The following PPP1R9B variants were observed in gnomAD, a reference collection of about 807,000 sequenced individuals.
PPP1R9B encodes the protein neurabin-2.
A neutral mutation model predicts 75.8 loss-of-function variants in PPP1R9B; 17 were observed. The observed-to-expected ratio is 0.22, with a 90% CI of 0.15 to 0.34. The LOEUF (loss-of-function observed/expected upper bound fraction) is 0.34, where lower values mean the gene tolerates loss of function less well. Among genes scored for constraint, PPP1R9B ranks in the 10% least tolerant of loss-of-function variants. The probability of loss-of-function intolerance (pLI) is 1.00; values close to 1 mark genes in which losing one functional copy is unlikely to be tolerated. For missense variants in PPP1R9B, 875 were observed against 1,196.0 expected (o/e 0.73, Z 3.96); for synonymous variants, 509 against 535.4 (o/e 0.95, Z 0.68).
At position 50,134,149 on chromosome 17, in the gene PPP1R9B, G is replaced by C. The variant is rs1008666890; in HGVS notation, c.*1182C>G. On this transcript the variant is annotated 3_prime_UTR_variant, in exon 10 of 10. Coordinates refer to ENST00000612501, the MANE Select transcript of PPP1R9B (RefSeq NM_032595.5). ...GGCAAAATGAGATGGATTTTGAAAG[G>C]GGAGGGGACCTGGGGGAGGTGGTCT... 6.6e-6 allele frequency: 1 copy of C among 152,668 alleles called. No individual in the cohort carries two copies. The highest frequency in any genetic ancestry group is 1.5e-5 in the Non-Finnish European group (1 of 68,040). 9.5% of individuals were successfully genotyped at this position (152,668 alleles called of 1,614,324 possible).
Position 50,143,180 on chromosome 17 carries a change from C to T in PPP1R9B, c.1625+418G>A, listed in dbSNP as rs537755525. 1.0e-3 allele frequency among the ~76,000 whole-genome samples: 159 copies of T among 152,322 alleles called. No individual in the cohort carries two copies. The South Asian group carries it at 0.011, about 10-fold the overall frequency. On this transcript the variant is annotated intron_variant, in intron 3 of 9. Transcript: ENST00000612501. ...CACCACACTGCACACTTCTCAAGTG[C>T]GCCAGGCCCTCACCATTGACTTCCC...
At position 50,136,097 on chromosome 17, in the gene PPP1R9B, C is replaced by A; in HGVS notation, c.2174G>T (p.Gly725Val). 1.2e-6 allele frequency: 2 copies of A among 1,611,750 alleles called. No homozygotes were observed. The highest frequency in any genetic ancestry group is 8.5e-7 in the Non-Finnish European group (1 of 1,179,850). The change falls in exon 8 of 10, where the codon GGC becomes GTC. Residue 725 changes from glycine (G) to valine (V), a missense_variant. Around this residue, in one of 4 missense-constraint regions of PPP1R9B, gnomAD observed 218 missense variants for 334.6 expected, o/e 0.65. Transcript: ENST00000612501. The stretch of plus-strand genomic sequence containing the variant: ...CAGGCTCTGGGCCTCACCCCAGTAG[C>A]CTTCCAGTTTCTCCATGCGCTCCTT... ...ENKERMEKLE[G>V]YWGEAQSLCQ...
Position 50,149,438 on chromosome 17 carries a change from ACCG to A in PPP1R9B, c.1073_1075del (p.Ala358del). The A allele has an allele frequency of 1.2e-6, 2 of 1,604,348 alleles. No individual in the cohort carries two copies. Among genetic ancestry groups the A allele is most frequent in the South Asian group, 2.2e-5 (2 of 90,374 alleles). On this transcript the variant is annotated inframe_deletion, in exon 1 of 10. Coordinates refer to ENST00000612501, the MANE Select transcript of PPP1R9B (RefSeq NM_032595.5). The surrounding 1 kb of genome is among the most constrained non-coding windows in gnomAD (Gnocchi z 7.2). ...GCCCACCCCCCTCTCTGGCGGCGCT[ACCG>A]CCGCCGCCTCCTTCTCCGGGGCCGC...
chr17:50,139,622 G>A lies in PPP1R9B; in HGVS notation c.1867-41C>T. The A allele has an allele frequency of 6.6e-7, 1 of 1,517,418 alleles. No individual in the cohort carries two copies. Among genetic ancestry groups the A allele is most frequent in the Non-Finnish European group, 8.8e-7 (1 of 1,133,434 alleles). 94.0% of individuals were successfully genotyped at this position (1,517,418 alleles called of 1,614,324 possible). Reference sequence around the variant, plus strand: ...GGAGACTGTGGGCCCACCCCACCCAGCTGCCCTCAGCCCTGATGACCAGGG... The same window carrying A: ...GGAGACTGTGGGCCCACCCCACCCAACTGCCCTCAGCCCTGATGACCAGGG... On this transcript the variant is annotated intron_variant, in intron 5 of 9. Transcript: ENST00000612501. This position sits in a 1 kb window ranked among gnomAD's most constrained non-coding sequence, Gnocchi z 5.0.
chr17:50,140,886 G>A (rs1912358682), intron 4 of PPP1R9B, among the ~76,000 whole-genome samples: 1 of 152,262 alleles, frequency 6.6e-6, no homozygotes, highest in Non-Finnish European at 1.5e-5. Context: ...ATGACATAGG[G>A]CTGGTCGGGG....
intron 5 of PPP1R9B, 22 bp downstream of exon 5, chr17:50,140,045 TAGCCACCAGGGGGCGACCACGCGGCC>T (rs1338164633): frequency 1.2e-6 from 2 of 1,600,746 alleles, no homozygotes; most frequent in South Asian, 2.2e-5. Flanking sequence ...ATGCTTCATC[TAGCCACCAGGGGGCGACCACGCGGCC>T]AGCCAGGCAG....
intron 2 of PPP1R9B, among the ~76,000 whole-genome samples, chr17:50,144,727 T>C (rs1015894077): frequency 1.3e-5 from 2 of 152,180 alleles, no homozygotes; most frequent in Non-Finnish European, 2.9e-5. Context: ...CCAGCCCCTA[T>C]TCCAGCGCCT....
chr17:50,146,477 G>A (rs1174101842), intron 1 of PPP1R9B, among the ~76,000 whole-genome samples: 2 of 152,170 alleles, frequency 1.3e-5, no homozygotes, highest in Admixed American at 1.3e-4. Context: ...AGCAGACCTT[G>A]TGGGCACCCT....
At chr17:50,143,335 G>T (rs141945053) in intron 3 of PPP1R9B, among the ~76,000 whole-genome samples, 1 of 152,108 alleles carries the variant, frequency 6.6e-6, no homozygotes, top group Non-Finnish European at 1.5e-5. Flanking sequence ...CACAACACAC[G>T]CCTATAGCCC....
At chr17:50,137,481 T>C (rs902812917) in intron 7 of PPP1R9B, 25 of 152,912 alleles carry the variant, frequency 1.6e-4, no homozygotes, top group Non-Finnish European at 3.2e-4. Context: ...ATACTCTGCA[T>C]ACACCTCAGG....
In PPP1R9B at chr17:50,140,204, C is replaced by T. The variant is rs202158365; in HGVS notation, c.1755G>A (p.Pro585=). 412 of 1,600,650 alleles carry T rather than the reference C, an allele frequency of 2.6e-4. 3 individuals are homozygous for T. Among genetic ancestry groups the T allele is most frequent in the Middle Eastern group, 1.6e-4 (1 of 6,066 alleles). ...GCTGGGCCACTTCGCTCTGCTCTCC[C>T]GGCCGCTCCCGGCCAATCATAAACC... The part of the protein sequence containing the change: ...RVRFMIGRER[P]GEQSEVAQLI... Residue 585 remains proline, a synonymous_variant, in exon 5 of 10, where the codon CCG becomes CCA. Transcript: ENST00000612501.
rs1912629720 is a variant in PPP1R9B, at chr17:50,149,679, G to A, written c.835C>T (p.Pro279Ser). The change falls in exon 1 of 10, where the codon CCG becomes TCG. Residue 279 changes from proline to serine, a missense_variant. Coordinates refer to ENST00000612501, the MANE Select transcript of PPP1R9B (RefSeq NM_032595.5). The surrounding 1 kb of genome is among the most constrained non-coding windows in gnomAD (Gnocchi z 7.2). Reference sequence around the variant, plus strand: ...CGGGCAGGGGCCACTCGGTGCTGCGGGGGCTGCTGCCCTGCGGGGCATCGC... The same window carrying A: ...CGGGCAGGGGCCACTCGGTGCTGCGAGGGCTGCTGCCCTGCGGGGCATCGC... ...KERCPAGQQPPQHRVAPARPP... is the reference protein window; with the variant it reads ...KERCPAGQQPSQHRVAPARPP... 6.8e-7 allele frequency: 1 copy of A among 1,474,832 alleles called. No homozygotes were observed. Among genetic ancestry groups the A allele is most frequent in the South Asian group, 1.3e-5 (1 of 74,590 alleles). The allele number at this position is 1,474,832 out of a possible 1,614,324, so 91.4% of individuals were successfully genotyped here.
chr17:50,136,428 G>C (rs929343868), intron 7 of PPP1R9B, among the ~76,000 whole-genome samples: 1 of 152,102 alleles, frequency 6.6e-6, no homozygotes, highest in South Asian at 2.1e-4. Flanking sequence ...CACCCCACTC[G>C]CAGGGAGGCT....
intron 2 of PPP1R9B, among the ~76,000 whole-genome samples, chr17:50,144,007 G>A (rs1912452546): frequency 6.6e-6 from 1 of 151,894 alleles, no homozygotes; most frequent in East Asian, 1.9e-4. Flanking sequence ...AGGGCGTGTG[G>A]CCAGGATGGG....
intron 7 of PPP1R9B, among the ~76,000 whole-genome samples, chr17:50,137,040 C>T (rs1912250218): frequency 6.6e-6 from 1 of 152,192 alleles, no homozygotes; most frequent in Admixed American, 6.5e-5. Flanking sequence ...CCCAGCCACA[C>T]AGGCCTTCCT....
chr17:50,143,800 C>A (rs899224266), intron 2 of PPP1R9B, 82 bp from the exon 3 acceptor site: 51 of 1,577,384 alleles, frequency 3.2e-5, no homozygotes, highest in Admixed American at 2.7e-4. Context: ...AGGGCACAGC[C>A]CCCCCATCAG....
intron 7 of PPP1R9B, among the ~76,000 whole-genome samples, chr17:50,136,497 C>A (rs1912234484): frequency 6.6e-6 from 1 of 152,172 alleles, no homozygotes; most frequent in Non-Finnish European, 1.5e-5. Flanking sequence ...ATGTCCCAAG[C>A]CTCAGTTATC....
chr17:50,142,439 T>C lies in PPP1R9B; in HGVS notation c.1626-1066A>G, dbSNP rs1386314854. Among the ~76,000 whole-genome samples, 1 of 152,124 alleles carries C rather than the reference T, an allele frequency of 6.6e-6. No individual in the cohort carries two copies. Among genetic ancestry groups the C allele is most frequent in the African/African-American group, 2.4e-5 (1 of 41,402 alleles). ...TGGGAAAGGCTCTGGAAGTTCACAT[T>C]GGGAGGGGAAGGGGTAAATGAAAGG... On this transcript the variant is annotated intron_variant, in intron 3 of 9. Coordinates refer to ENST00000612501, the MANE Select transcript of PPP1R9B (RefSeq NM_032595.5). The surrounding 1 kb of genome is among the most constrained non-coding windows in gnomAD (Gnocchi z 4.1).
chr17:50,135,792 C>G (rs1912212369), intron 8 of PPP1R9B, 143 bp from the exon 9 acceptor site: 1 of 891,318 alleles, frequency 1.1e-6, no homozygotes, highest in East Asian at 2.6e-5. Flanking sequence ...CCCAAAGCCT[C>G]TGGGGGTCTG....
Sources: gnomAD v4.1 joint callset for allele counts (sites outside exome capture counted in the v4.1 genomes callset) on GRCh38, gnomAD v4.1.1 for gene constraint, gnomAD v4.1.1 regional missense constraint, Gnocchi (gnomAD v3.1) non-coding constraint, MANE v1.5 for transcripts, NCBI Gene and HGNC (gene_info 2026-07-23, HGNC 2026-07-21) for gene names.